TMEM170A: variants seen among roughly 807,000 people sequenced by gnomAD.
The protein encoded by TMEM170A is transmembrane protein 170.
A neutral mutation model predicts 12.8 loss-of-function variants in TMEM170A; 18 were observed. The ratio of observed to expected loss-of-function variants is 1.41; its 90% CI spans 0.97 to 2.09. The LOEUF (loss-of-function observed/expected upper bound fraction) is 2.09. TMEM170A is among the 30% of genes most tolerant of loss of function. The pLI is 0.00. For missense variants in TMEM170A, 220 were observed against 179.9 expected (o/e 1.22, Z -1.28); for synonymous variants, 107 against 76.2 (o/e 1.40, Z -2.11).
chr16:75,460,968 TCA>T (rs1195063823), intron 1 of TMEM170A, among the ~76,000 whole-genome samples: 3 of 152,194 alleles, frequency 2.0e-5, no homozygotes. Context: ...GATAAAGATC[TCA>T]GTTTCTTGGT....
In TMEM170A at chr16:75,445,090, A is replaced by G. The variant is rs751021296; in HGVS notation, c.*2468T>C. ...GTAGAGATGATGGCAATCATTTCCC[A>G]TAAGAAAAGTTACCAATTCCCCAGA... On this transcript the variant is annotated 3_prime_UTR_variant, in exon 3 of 3. Coordinates refer to ENST00000561878, the MANE Select transcript of TMEM170A (RefSeq NM_145254.3). 4.5e-4 allele frequency: 69 copies of G among 152,352 alleles called. No individual in the cohort carries two copies. The highest frequency in any genetic ancestry group is 1.6e-3 in the African/African-American group (66 of 41,586). 9.4% of individuals were successfully genotyped at this position (152,352 alleles called of 1,614,324 possible). A position where few individuals can be genotyped will look rare whatever the true frequency, so the allele number is the denominator to read the frequency against.
chr16:75,462,273 G>A (rs986300463), intron 1 of TMEM170A, among the ~76,000 whole-genome samples: 12 of 152,206 alleles, frequency 7.9e-5, no homozygotes, highest in Non-Finnish European at 2.9e-5. Context: ...AGGCTAAAGT[G>A]CAGTGGCGCA....
chr16:75,453,291 T>C (rs938158619), intron 1 of TMEM170A, among the ~76,000 whole-genome samples: 1 of 152,050 alleles, frequency 6.6e-6, no homozygotes, highest in Non-Finnish European at 1.5e-5. Flanking sequence ...AAAATTAGCC[T>C]GGCATGGTAT....
chr16:75,446,426 CTT>C lies in TMEM170A; in HGVS notation c.*1130_*1131del, dbSNP rs2151623895. The C allele has an allele frequency of 6.6e-6, 1 of 152,164 alleles. No homozygotes were observed. Among genetic ancestry groups the C allele is most frequent in the African/African-American group, 2.4e-5 (1 of 41,526 alleles). 9.4% of individuals were successfully genotyped at this position (152,164 alleles called of 1,614,324 possible). ...GCTAAAATTAAGTTTTAAAAAAACTCTTGATATTTAAATCTCTTTAAAGATAT... is the reference window on the plus strand; with the variant it reads ...GCTAAAATTAAGTTTTAAAAAAACTCGATATTTAAATCTCTTTAAAGATAT... On this transcript the variant is annotated 3_prime_UTR_variant, in exon 3 of 3. Coordinates refer to ENST00000561878, the MANE Select transcript of TMEM170A (RefSeq NM_145254.3).
rs750245778 is a variant in TMEM170A, at chr16:75,447,557, G to A, written c.*1C>T. On this transcript the variant is annotated 3_prime_UTR_variant, in exon 3 of 3. Coordinates refer to ENST00000561878, the MANE Select transcript of TMEM170A (RefSeq NM_145254.3). Reference sequence around the variant, plus strand: ...TCAACATCTCAGCATAAGGATGTATGCTATAGAGTAGCTAAAATCCGTAAA... The same window carrying A: ...TCAACATCTCAGCATAAGGATGTATACTATAGAGTAGCTAAAATCCGTAAA... 7.4e-6 allele frequency: 12 copies of A among 1,611,942 alleles called. No homozygotes were observed. In the Admixed American group the frequency reaches 1.3e-4, roughly 18 times the overall value.
At chr16:75,462,749 T>C (rs988723203) in intron 1 of TMEM170A, among the ~76,000 whole-genome samples, 1 of 152,166 alleles carries the variant, frequency 6.6e-6, no homozygotes, top group Non-Finnish European at 1.5e-5. Context: ...CTTAATGCAA[T>C]GTGTGAACCT....
chr16:75,464,250 T>A (rs115618771), intron 1 of TMEM170A: 1 of 1,500,708 alleles, frequency 6.7e-7, no homozygotes, highest in Non-Finnish European at 8.8e-7. Flanking sequence ...GCTCTCTGCA[T>A]CTCACGCCCA....
chr16:75,449,967 C>T (rs967534026), intron 2 of TMEM170A, among the ~76,000 whole-genome samples: 13 of 152,104 alleles, frequency 8.5e-5, no homozygotes, highest in Non-Finnish European at 1.3e-4. Context: ...GAAATGAATA[C>T]AACATTTATT....
In TMEM170A at chr16:75,451,783, G is replaced by C. The variant is rs759605401; in HGVS notation, c.190C>G (p.Pro64Ala). Residue 64 changes from proline (P) to alanine (A), a missense_variant, in exon 2 of 3, where the codon CCT (proline) becomes GCT (alanine). Coordinates refer to ENST00000561878, the MANE Select transcript of TMEM170A (RefSeq NM_145254.3). The part of the protein sequence containing the change: ...ALVSSLFFHV[P>A]AGLLALFTLR... The stretch of plus-strand genomic sequence containing the variant: ...GTGAAGAGGGCCAGTAATCCAGCAG[G>C]GACATGAAAGAAGAGAGAAGACACC... The C allele has an allele frequency of 4.3e-6, 7 of 1,613,932 alleles. No individual in the cohort carries two copies. The highest frequency in any genetic ancestry group is 5.9e-6 in the Non-Finnish European group (7 of 1,179,990).
At chr16:75,452,064 T>G (rs539877537) in intron 1 of TMEM170A, among the ~76,000 whole-genome samples, 58 of 152,276 alleles carry the variant, frequency 3.8e-4, no homozygotes, top group African/African-American at 1.3e-3. Context: ...CTCTGCCTCC[T>G]GGGTTCACAC....
At chr16:75,447,776 A>G in intron 2 of TMEM170A, 88 bp from the exon 3 acceptor site, 5 of 1,389,924 alleles carry the variant, frequency 3.6e-6, no homozygotes, top group Non-Finnish European at 4.9e-6. Context: ...TACTACTGCG[A>G]GTAGAATGTT....
chr16:75,453,400 C>G (rs549204258), intron 1 of TMEM170A, among the ~76,000 whole-genome samples: 2 of 152,326 alleles, frequency 1.3e-5, no homozygotes, highest in East Asian at 3.9e-4. Context: ...TGCTACTGCA[C>G]TCCTGCCTGG....
At chr16:75,457,276 T>C (rs890604546) in intron 1 of TMEM170A, among the ~76,000 whole-genome samples, 3 of 152,324 alleles carry the variant, frequency 2.0e-5, no homozygotes, top group South Asian at 4.1e-4. Context: ...AAAGCCTTAA[T>C]ATCCCAGAAA....
chr16:75,448,770 A>C (rs1334021613), intron 2 of TMEM170A, among the ~76,000 whole-genome samples: 1 of 151,950 alleles, frequency 6.6e-6, no homozygotes, highest in African/African-American at 2.4e-5. Context: ...TCTCAAAAAA[A>C]AAAAGAACCG....
chr16:75,452,553 T>A (rs2079708938), intron 1 of TMEM170A: 1 of 151,926 alleles, frequency 6.6e-6, no homozygotes, highest in Admixed American at 6.6e-5. Context: ...TCAGGTGATC[T>A]GCCCGCCTTG....
chr16:75,464,276 T>C (rs2079957847), intron 1 of TMEM170A, 192 bp downstream of exon 1: 3 of 1,493,720 alleles, frequency 2.0e-6, no homozygotes, highest in East Asian at 2.8e-5. Context: ...ACTCCGGGGC[T>C]CCGCCTCAGG....
chr16:75,456,164 TGAGTTA>T (rs2079791274), intron 1 of TMEM170A, among the ~76,000 whole-genome samples: 1 of 152,152 alleles, frequency 6.6e-6, no homozygotes, highest in South Asian at 2.1e-4. Context: ...TTGCCCATTT[TGAGTTA>T]ATAAAGCTTC....
At chr16:75,464,256 G>C in intron 1 of TMEM170A, 1 of 1,498,548 alleles carries the variant, frequency 6.7e-7, no homozygotes, top group South Asian at 1.2e-5. Context: ...TGCATCTCAC[G>C]CCCAGCGGGA....
chr16:75,462,143 C>T (rs1005784757), intron 1 of TMEM170A, among the ~76,000 whole-genome samples: 5 of 152,174 alleles, frequency 3.3e-5, no homozygotes, highest in Non-Finnish European at 5.9e-5. Context: ...GATACCCTTA[C>T]AGTAGAGTTT....
Sources: allele counts gnomAD v4.1 joint callset (sites outside exome capture counted in the v4.1 genomes callset), GRCh38; gene constraint gnomAD v4.1.1; transcripts MANE v1.5; gene names NCBI Gene and HGNC (gene_info 2026-07-23, HGNC 2026-07-21).